Variants in PTPRA observed in about 807,000 individuals in gnomAD.
PTPRA encodes the protein receptor-type tyrosine-protein phosphatase alpha.
A neutral mutation model predicts 104.8 loss-of-function variants in PTPRA; 25 were observed. The ratio of observed to expected loss-of-function variants is 0.24; its 90% confidence interval spans 0.17 to 0.33. The LOEUF (loss-of-function observed/expected upper bound fraction) is 0.33, where lower values mean the gene tolerates loss of function less well. PTPRA is among the 10% of genes least tolerant of loss of function. The pLI is 1.00. For synonymous variants in PTPRA, 323 were observed against 368.9 expected (o/e 0.88, Z 1.43); for missense variants, 765 against 1,015.3 (o/e 0.75, Z 3.35).
chr20:3,033,584 A>G (rs1337922473), intron 20 of PTPRA, among the ~76,000 whole-genome samples: 1 of 151,244 alleles, frequency 6.6e-6, no homozygotes, highest in East Asian at 1.9e-4. Flanking sequence ...GAAAATATAA[A>G]TCATTGTCAC....
At chr20:2,933,283 T>A (rs567637655) in intron 2 of PTPRA, among the ~76,000 whole-genome samples, 21 of 152,352 alleles carry the variant, frequency 1.4e-4, no homozygotes, top group Admixed American at 1.2e-3. Context: ...TTTTACTTTT[T>A]ATGAATTGCC....
intron 1 of PTPRA, among the ~76,000 whole-genome samples, chr20:2,891,230 CTTG>C (rs2146970615): frequency 6.6e-6 from 1 of 152,250 alleles, no homozygotes; most frequent in Admixed American, 6.5e-5. Context: ...TGCAGGTTCC[CTTG>C]TTGTCTACTC....
At chr20:3,010,542 G>C (rs987435320) in intron 11 of PTPRA, among the ~76,000 whole-genome samples, 1 of 152,064 alleles carries the variant, frequency 6.6e-6, no homozygotes, top group East Asian at 1.9e-4. Flanking sequence ...GCAGGAGAAC[G>C]GCGTGAACCT....
intron 9 of PTPRA, among the ~76,000 whole-genome samples, chr20:2,997,623 C>T (rs370476354): frequency 3.9e-5 from 6 of 152,164 alleles, no homozygotes; most frequent in African/African-American, 1.4e-4. Context: ...GTAGCATTTC[C>T]GTGAATGCCC....
intron 6 of PTPRA, among the ~76,000 whole-genome samples, chr20:2,983,798 T>C (rs944293096): frequency 8.6e-5 from 13 of 151,650 alleles, no homozygotes; most frequent in Non-Finnish European, 5.9e-5. Flanking sequence ...AAAGTGGAGG[T>C]GGCAAATAGG....
intron 17 of PTPRA, among the ~76,000 whole-genome samples, chr20:3,024,997 T>C (rs570309522): frequency 2.6e-5 from 4 of 152,228 alleles, no homozygotes; most frequent in East Asian, 1.9e-4. Flanking sequence ...CCATAACCAA[T>C]AGGTAAATAT....
At chr20:2,896,739 T>C (rs73084683) in intron 1 of PTPRA, among the ~76,000 whole-genome samples, 19,965 of 152,216 alleles carry the variant, frequency 0.13, 1,644 homozygotes, top group South Asian at 0.28. Context: ...ATTATGTCTT[T>C]TATAGCAAAA....
In PTPRA at chr20:2,908,267, A is replaced by G. The variant is rs59918388; in HGVS notation, c.-128-14940A>G. On this transcript the variant is annotated intron_variant, in intron 1 of 23. Coordinates refer to ENST00000399903, the MANE Select transcript of PTPRA (RefSeq NM_001385305.1). The stretch of plus-strand genomic sequence containing the variant: ...TTGATGTATTTTGAATTCTTTTAGC[A>G]CAGACAGACAGTTGACTCCTTGAAC... 5.0e-4 allele frequency among the ~76,000 whole-genome samples: 76 copies of G among 152,320 alleles called. 1 individual carries two copies. The East Asian group carries it at 6.9e-3, about 14-fold the overall frequency.
chr20:2,982,649 A>G (rs2062732968), intron 6 of PTPRA, among the ~76,000 whole-genome samples: 1 of 152,152 alleles, frequency 6.6e-6, no homozygotes, highest in Non-Finnish European at 1.5e-5. Context: ...ATTATCAAGG[A>G]AAATAATAAG....
At chr20:2,973,430 G>A (rs561787810) in intron 5 of PTPRA, among the ~76,000 whole-genome samples, 3 of 152,258 alleles carry the variant, frequency 2.0e-5, no homozygotes, top group East Asian at 1.9e-4. Context: ...ATTAGGATGC[G>A]CTATAAGCTG....
At chr20:2,899,561 G>T (rs2059149085) in intron 1 of PTPRA, among the ~76,000 whole-genome samples, 1 of 152,052 alleles carries the variant, frequency 6.6e-6, no homozygotes, top group Non-Finnish European at 1.5e-5. Context: ...TATGATTTTT[G>T]TGTAGCCTCA....
chr20:2,879,429 A>G (rs1377594326), intron 1 of PTPRA, among the ~76,000 whole-genome samples: 1 of 152,044 alleles, frequency 6.6e-6, no homozygotes, highest in Non-Finnish European at 1.5e-5. Context: ...CCTAATTGAG[A>G]GCTTGGTGAG....
chr20:3,027,588 C>CT, intron 19 of PTPRA, 119 bp from the exon 20 acceptor site: 1 of 1,355,810 alleles, frequency 7.4e-7, no homozygotes, highest in Non-Finnish European at 1.0e-6. Context: ...CACAGGGGAG[C>CT]TCTGCATGGG....
At chr20:2,932,369 A>G (rs952840382) in intron 2 of PTPRA, among the ~76,000 whole-genome samples, 1 of 152,206 alleles carries the variant, frequency 6.6e-6, no homozygotes, top group Non-Finnish European at 1.5e-5. Flanking sequence ...ATACAAGTTT[A>G]GTAGTAATGA....
At chr20:2,939,407 G>T (rs1297344862) in intron 2 of PTPRA, among the ~76,000 whole-genome samples, 1 of 152,166 alleles carries the variant, frequency 6.6e-6, no homozygotes, top group Non-Finnish European at 1.5e-5. Flanking sequence ...GGAAAGGCGT[G>T]CCACCTCATT....
intron 1 of PTPRA, among the ~76,000 whole-genome samples, chr20:2,894,127 C>G (rs1023803744): frequency 1.3e-5 from 2 of 152,094 alleles, no homozygotes; most frequent in Non-Finnish European, 1.5e-5. Context: ...TATAATCAAA[C>G]AGCAGAATAA....
chr20:3,038,181 T>TAATA lies in PTPRA; in HGVS notation c.*49_*52dup, dbSNP rs1240263466. The stretch of plus-strand genomic sequence containing the variant: ...CAGGAGGATTGCCTTTAATATTTTG[T>TAATA]AATATTCTGTTTTGTTAATATACCC... On this transcript the variant is annotated 3_prime_UTR_variant, in exon 24 of 24. Coordinates refer to ENST00000399903, the MANE Select transcript of PTPRA (RefSeq NM_001385305.1). 6.6e-7 allele frequency: 1 copy of TAATA among 1,520,158 alleles called. No homozygotes were observed. Among genetic ancestry groups the TAATA allele is most frequent in the South Asian group, 1.1e-5 (1 of 88,638 alleles). 94.2% of individuals were successfully genotyped at this position (1,520,158 alleles called of 1,614,324 possible). A position where few individuals can be genotyped will look rare whatever the true frequency, so the allele number is the denominator to read the frequency against.
At chr20:2,951,122 C>T (rs1340001860) in intron 3 of PTPRA, among the ~76,000 whole-genome samples, 1 of 151,370 alleles carries the variant, frequency 6.6e-6, no homozygotes, top group Admixed American at 6.6e-5. Flanking sequence ...TTTTTTTAGA[C>T]GGAGTCTCGC....
chr20:3,019,053 G>A (rs1454603447), intron 13 of PTPRA, among the ~76,000 whole-genome samples: 1 of 140,394 alleles, frequency 7.1e-6, no homozygotes, highest in Admixed American at 6.9e-5. Context: ...CCTCCCGGAC[G>A]GGGCGGCTGG....
Sources: gnomAD v4.1 joint callset for allele counts (sites outside exome capture counted in the v4.1 genomes callset) on GRCh38, gnomAD v4.1.1 for gene constraint, MANE v1.5 for transcripts, NCBI Gene and HGNC (gene_info 2026-07-23, HGNC 2026-07-21) for gene names.